WDR41: variants seen among roughly 807,000 people sequenced by gnomAD.
WDR41 encodes the protein WD repeat-containing protein 41.
In WDR41, 63 loss-of-function variants were observed where a neutral mutation model predicts 69.3. The ratio of observed to expected loss-of-function variants is 0.91; its 90% CI spans 0.74 to 1.12. The LOEUF (loss-of-function observed/expected upper bound fraction) is 1.12. Among genes scored for constraint, WDR41 ranks in the 50% most tolerant of loss-of-function variants. The probability of loss-of-function intolerance (pLI) is 0.00; values close to 1 mark genes in which losing one functional copy is unlikely to be tolerated. For missense variants in WDR41, 543 were observed against 534.5 expected (o/e 1.02, Z -0.16); for synonymous variants, 185 against 192.1 (o/e 0.96, Z 0.31).
intron 8 of WDR41, among the ~76,000 whole-genome samples, chr5:77,446,737 C>CCCTTCCTTACAGAAA (rs1232510511): frequency 4.6e-5 from 7 of 152,084 alleles, no homozygotes; most frequent in Non-Finnish European, 1.0e-4. Flanking sequence ...AGAAAACAGA[C>CCCTTCCTTACAGAAA]ACTGGACCCC....
intron 1 of WDR41, among the ~76,000 whole-genome samples, chr5:77,583,906 T>A (rs1580027728): frequency 6.6e-6 from 1 of 152,244 alleles, no homozygotes; most frequent in African/African-American, 2.4e-5. Context: ...AATGACCAAG[T>A]GAGATTAATC....
At chr5:77,434,982 A>C (rs1798883582) in intron 12 of WDR41, among the ~76,000 whole-genome samples, 1 of 152,196 alleles carries the variant, frequency 6.6e-6, no homozygotes, top group Non-Finnish European at 1.5e-5. Context: ...ATTCAAGGAC[A>C]TCCATAATCT....
In WDR41 at chr5:77,433,176, G is replaced by A. The variant is rs760855899; in HGVS notation, c.1339C>T (p.Gln447Ter). ...AAGTCACCATTCTCCTCTAATTTTT[G>A]AAATAATCTTAAACTGCGCAATCCA... ...ESGLRSLRLFQKLEENGDLYL... is the reference protein window; with the variant it reads ...ESGLRSLRLF Residue 447 changes from glutamine (Q) to a stop codon, truncating the protein, a stop_gained, in exon 13 of 13, where the codon CAA becomes TAA. Transcript: ENST00000296679. LOFTEE classifies it high-confidence loss of function. The A allele has an allele frequency of 3.7e-6, 6 of 1,613,360 alleles. No homozygotes were observed. The highest frequency in any genetic ancestry group is 5.1e-6 in the Non-Finnish European group (6 of 1,179,778).
intron 1 of WDR41, among the ~76,000 whole-genome samples, chr5:77,538,641 T>A (rs1743031998): frequency 6.6e-6 from 1 of 152,346 alleles, no homozygotes; most frequent in South Asian, 2.1e-4. Context: ...GATTTTGTTC[T>A]TTTTTGTGAC....
chr5:77,602,018 T>C (rs947430692), intron 1 of WDR41, among the ~76,000 whole-genome samples: 2 of 152,240 alleles, frequency 1.3e-5, no homozygotes, highest in African/African-American at 4.8e-5. Context: ...TGTTGTTAAC[T>C]AGAGTCACCC....
At chr5:77,592,327 GATA>G (rs1172515646) in intron 1 of WDR41, among the ~76,000 whole-genome samples, 21 of 152,030 alleles carry the variant, frequency 1.4e-4, no homozygotes, top group African/African-American at 4.8e-4. Context: ...GTGTAACTAT[GATA>G]ATATCTGGGT....
intron 1 of WDR41, among the ~76,000 whole-genome samples, chr5:77,527,744 C>T (rs1232898254): frequency 6.6e-6 from 1 of 151,808 alleles, no homozygotes; most frequent in Non-Finnish European, 1.5e-5. Flanking sequence ...AGAGTATGTT[C>T]TCTGACTACA....
At chr5:77,534,661 T>C (rs1742932459) in intron 1 of WDR41, among the ~76,000 whole-genome samples, 1 of 152,138 alleles carries the variant, frequency 6.6e-6, no homozygotes, top group African/African-American at 2.4e-5. Flanking sequence ...CTCAAACCCC[T>C]GAGCTCAAAT....
chr5:77,492,787 C>A (rs962730842), upstream of WDR41, among the ~76,000 whole-genome samples: 2 of 137,314 alleles, frequency 1.5e-5, no homozygotes, highest in Non-Finnish European at 1.5e-5. Flanking sequence ...ATCCGGCCAA[C>A]ATTTACTGTG....
chr5:77,608,855 G>T (rs1245016755), intron 1 of WDR41, among the ~76,000 whole-genome samples: 2 of 152,272 alleles, frequency 1.3e-5, no homozygotes, highest in Admixed American at 6.5e-5. Flanking sequence ...GCGAGGCATT[G>T]CCTCACTCGG....
At chr5:77,580,199 C>T (rs114255173) in intron 1 of WDR41, among the ~76,000 whole-genome samples, 2,233 of 152,194 alleles carry the variant, frequency 0.015, 25 homozygotes, top group Middle Eastern at 0.048. Context: ...TAAAGACATA[C>T]CCGAGACTGG....
chr5:77,526,682 A>T (rs964292931), intron 1 of WDR41, among the ~76,000 whole-genome samples: 1 of 152,180 alleles, frequency 6.6e-6, no homozygotes, highest in Non-Finnish European at 1.5e-5. Flanking sequence ...CACACAAGCT[A>T]TGACTCCCTC....
chr5:77,556,233 TAG>T (rs1743391027), intron 1 of WDR41, among the ~76,000 whole-genome samples: 3 of 147,638 alleles, frequency 2.0e-5, no homozygotes, highest in Non-Finnish European at 4.5e-5. Context: ...CCTGCCGAAA[TAG>T]CTGGGATTAT....
chr5:77,480,432 C>T (rs1801177717), intron 2 of WDR41, among the ~76,000 whole-genome samples: 1 of 152,074 alleles, frequency 6.6e-6, no homozygotes, highest in African/African-American at 2.4e-5. Flanking sequence ...CCCAAATGTC[C>T]AACAATGATA....
intron 1 of WDR41, among the ~76,000 whole-genome samples, chr5:77,601,665 T>TA (rs201803625): frequency 0.011 from 1,684 of 152,264 alleles, 25 homozygotes; most frequent in Admixed American, 0.035. Context: ...TAAACGCAGC[T>TA]ACACTCTCAT....
chr5:77,611,871 T>A (rs1467893983), intron 1 of WDR41, among the ~76,000 whole-genome samples: 3 of 151,494 alleles, frequency 2.0e-5, no homozygotes, highest in African/African-American at 4.9e-5. Context: ...TTTGAAAGGA[T>A]CAATAAAATT....
intron 1 of WDR41, among the ~76,000 whole-genome samples, chr5:77,548,366 T>C (rs1288489927): frequency 1.3e-5 from 2 of 152,032 alleles, no homozygotes; most frequent in Admixed American, 6.6e-5. Context: ...TGGGAAGAAA[T>C]CTTCACAATC....
At chr5:77,598,652 T>G (rs982453350) in intron 1 of WDR41, among the ~76,000 whole-genome samples, 45 of 136,030 alleles carry the variant, frequency 3.3e-4, no homozygotes, top group African/African-American at 1.0e-3. Flanking sequence ...TCCTTTTTTT[T>G]TTTGTTTTTT....
intron 4 of WDR41, among the ~76,000 whole-genome samples, chr5:77,459,873 G>A (rs957914725): frequency 1.2e-4 from 18 of 152,166 alleles, no homozygotes; most frequent in African/African-American, 3.9e-4. Context: ...ACTTAAAGTA[G>A]TTATGTCCCA....
Sources: allele counts gnomAD v4.1 joint callset (sites outside exome capture counted in the v4.1 genomes callset), GRCh38; gene constraint gnomAD v4.1.1; transcripts MANE v1.5; gene names NCBI Gene and HGNC (gene_info 2026-07-23, HGNC 2026-07-21).